The following PON1 variants were observed in gnomAD, a reference collection of about 807,000 sequenced individuals.
PON1 encodes paraoxonase 1.
PON1 carries 37 observed loss-of-function variants against 39.2 expected under a neutral mutation model. The ratio of observed to expected loss-of-function variants is 0.94; its 90% CI spans 0.73 to 1.24. PON1 has a LOEUF of 1.24. PON1 is among the 50% of genes most tolerant of loss of function. The pLI, the probability that PON1 is intolerant of heterozygous loss-of-function variation, is 0.00. For synonymous variants in PON1, 148 were observed against 152.2 expected (o/e 0.97, Z 0.21); for missense variants, 397 against 413.5 (o/e 0.96, Z 0.35).
chr7:95,298,582 A>C lies in PON1; in HGVS notation c.*362T>G. 1 of 359,936 alleles carries C rather than the reference A, an allele frequency of 2.8e-6. No homozygotes were observed. Among genetic ancestry groups the C allele is most frequent in the South Asian group, 2.3e-5 (1 of 44,186 alleles). 22.3% of individuals were successfully genotyped at this position (359,936 alleles called of 1,614,324 possible). ...CTCCCCTGTGTCTTCTGAACAAGAC[A>C]TGGCAAGGCAGCGATACACACATGT... is the stretch of plus-strand genomic sequence containing the variant. On this transcript the variant is annotated 3_prime_UTR_variant, in exon 9 of 9. Coordinates refer to ENST00000222381, the MANE Select transcript of PON1 (RefSeq NM_000446.7).
At chr7:95,320,089 G>A (rs907438939) in intron 1 of PON1, among the ~76,000 whole-genome samples, 3 of 152,180 alleles carry the variant, frequency 2.0e-5, no homozygotes, top group Admixed American at 6.5e-5. Context: ...GGTCATAACC[G>A]AGGACAACAC....
chr7:95,308,702 G>A (rs1464753859), intron 5 of PON1, among the ~76,000 whole-genome samples: 1 of 152,138 alleles, frequency 6.6e-6, no homozygotes, highest in Non-Finnish European at 1.5e-5. Context: ...ACTATTAGCT[G>A]TGTGATCTAA....
Position 95,298,375 on chromosome 7 carries a change from A to ATAT in PON1, c.*566_*568dup, listed in dbSNP as rs1563592648. 1 of 163,864 alleles carries ATAT rather than the reference A, an allele frequency of 6.1e-6. No homozygotes were observed. The highest frequency in any genetic ancestry group is 2.4e-5 in the African/African-American group (1 of 41,596). The allele number at this position is 163,864 out of a possible 1,614,324, so 10.2% of individuals were successfully genotyped here. A position where few individuals can be genotyped will look rare whatever the true frequency, so the allele number is the denominator to read the frequency against. On this transcript the variant is annotated 3_prime_UTR_variant, in exon 9 of 9. Transcript: ENST00000222381. Reference sequence around the variant, plus strand: ...AGGGGAGTTGGAATAATTCAGGTTAATATTTACTGAGAAAAAGTCATATAT... The same window carrying ATAT: ...AGGGGAGTTGGAATAATTCAGGTTAATATTATTTACTGAGAAAAAGTCATATAT...
At chr7:95,314,164 G>C (rs1489357076) in intron 4 of PON1, among the ~76,000 whole-genome samples, 1 of 152,070 alleles carries the variant, frequency 6.6e-6, no homozygotes, top group Admixed American at 6.5e-5. Flanking sequence ...TTCGAGACCA[G>C]CCTGGGCAAC....
At chr7:95,320,991 G>T (rs1253664679) in intron 1 of PON1, among the ~76,000 whole-genome samples, 1 of 152,170 alleles carries the variant, frequency 6.6e-6, no homozygotes, top group Non-Finnish European at 1.5e-5. Flanking sequence ...ATTCTGGATG[G>T]TTAGAAAGTT....
rs1807971767 is a variant in PON1, at chr7:95,324,501, T to C, written c.-26A>G. ...GGTCGGGGATAGACAAAGGGATCGATGGGCGCAGACACCGACGGGCTAGGA... is the reference window on the plus strand; with the variant it reads ...GGTCGGGGATAGACAAAGGGATCGACGGGCGCAGACACCGACGGGCTAGGA... On this transcript the variant is annotated 5_prime_UTR_variant, in exon 1 of 9. Transcript: ENST00000222381. 1.9e-6 allele frequency: 3 copies of C among 1,610,140 alleles called. No individual in the cohort carries two copies. Among genetic ancestry groups the C allele is most frequent in the African/African-American group, 2.7e-5 (2 of 74,940 alleles).
rs79081900 is a variant in PON1, at chr7:95,323,016, C to G, written c.74+1386G>C. Reference sequence around the variant, plus strand: ...CCTGATGCAGGCCTCATGATATCATCTCTTGCCTTCTCTCCCTGGGGCAGA... The same window carrying G: ...CCTGATGCAGGCCTCATGATATCATGTCTTGCCTTCTCTCCCTGGGGCAGA... On this transcript the variant is annotated intron_variant, in intron 1 of 8. Coordinates refer to ENST00000222381, the MANE Select transcript of PON1 (RefSeq NM_000446.7). 3.7e-3 allele frequency among the ~76,000 whole-genome samples: 566 copies of G among 152,304 alleles called. 10 individuals are homozygous for G. The highest frequency in any genetic ancestry group is 0.027 in the Admixed American group (406 of 15,296).
intron 1 of PON1, among the ~76,000 whole-genome samples, chr7:95,319,993 A>G (rs148873179): frequency 2.0e-5 from 3 of 152,348 alleles, no homozygotes; most frequent in South Asian, 2.1e-4. Flanking sequence ...ACCATTTGAA[A>G]AAACTCTGGT....
At chr7:95,307,962 T>A in intron 6 of PON1, 49 bp downstream of exon 6, 1 of 1,492,828 alleles carries the variant, frequency 6.7e-7, no homozygotes, top group Non-Finnish European at 9.3e-7. Flanking sequence ...TTCCAAGATA[T>A]CTCCTGAGAA....
At chr7:95,301,954 A>G (rs911199929) in intron 8 of PON1, among the ~76,000 whole-genome samples, 5 of 150,838 alleles carry the variant, frequency 3.3e-5, no homozygotes, top group Admixed American at 6.6e-5. Flanking sequence ...AAAATTAGCC[A>G]GGCATGGTGG....
intron 7 of PON1, among the ~76,000 whole-genome samples, chr7:95,304,477 C>T (rs1034682722): frequency 5.3e-5 from 8 of 152,002 alleles, no homozygotes; most frequent in African/African-American, 1.7e-4. Flanking sequence ...GGATTATAGG[C>T]ATGTGCCACC....
At chr7:95,310,230 A>C (rs977477588) in intron 5 of PON1, among the ~76,000 whole-genome samples, 3 of 152,188 alleles carry the variant, frequency 2.0e-5, no homozygotes, top group African/African-American at 7.2e-5. Flanking sequence ...AATAACACCT[A>C]ATTCAGAAGG....
intron 2 of PON1, 95 bp downstream of exon 2, chr7:95,318,228 A>G: frequency 1.9e-6 from 2 of 1,069,058 alleles, no homozygotes; most frequent in South Asian, 2.6e-5. Flanking sequence ...TCAAAATTTT[A>G]TTTTTGGACA....
intron 5 of PON1, among the ~76,000 whole-genome samples, chr7:95,308,631 A>T (rs1807593649): frequency 6.6e-6 from 1 of 152,140 alleles, no homozygotes; most frequent in South Asian, 2.1e-4. Context: ...AACTCCCATA[A>T]GAAATTGAAA....
chr7:95,310,211 G>A (rs1357093059), intron 5 of PON1, among the ~76,000 whole-genome samples: 1 of 152,100 alleles, frequency 6.6e-6, no homozygotes, highest in East Asian at 1.9e-4. Flanking sequence ...AATCCAAAAT[G>A]GATATAATAA....
At chr7:95,324,331 T>C in intron 1 of PON1, 71 bp downstream of exon 1, 3 of 1,473,668 alleles carry the variant, frequency 2.0e-6, no homozygotes, top group South Asian at 1.1e-5. Context: ...GACCCAACTT[T>C]CTGGGGGCTC....
chr7:95,319,392 T>A (rs933310177), intron 1 of PON1, among the ~76,000 whole-genome samples: 3 of 152,120 alleles, frequency 2.0e-5, no homozygotes, highest in Non-Finnish European at 4.4e-5. Context: ...AAAAAATGAG[T>A]ACATTCCTAC....
chr7:95,303,339 G>A (rs764794558), intron 7 of PON1, among the ~76,000 whole-genome samples: 9 of 141,470 alleles, frequency 6.4e-5, no homozygotes, highest in Non-Finnish European at 9.0e-5. Flanking sequence ...AGACAGGCAA[G>A]ACAGGCGGCT....
At chr7:95,309,314 G>GAAAA (rs199955176) in intron 5 of PON1, among the ~76,000 whole-genome samples, 5 of 139,178 alleles carry the variant, frequency 3.6e-5, no homozygotes, top group Non-Finnish European at 3.1e-5. Context: ...ATTACAACAT[G>GAAAA]AAAAAAAAAA....
Sources: gnomAD v4.1 joint callset for allele counts (sites outside exome capture counted in the v4.1 genomes callset) on GRCh38, gnomAD v4.1.1 for gene constraint, MANE v1.5 for transcripts, NCBI Gene and HGNC (gene_info 2026-07-23, HGNC 2026-07-21) for gene names.